The following RCOR1 variants were observed in gnomAD, a reference collection of about 807,000 sequenced individuals.
RCOR1 encodes the protein REST corepressor 1, also known as REST corepressor.
Under a neutral mutation model 64.0 loss-of-function variants are expected in RCOR1, and 12 were observed. That is an observed-to-expected ratio of 0.19 (90% CI 0.12 to 0.30). The LOEUF is 0.30. Ranked by LOEUF, RCOR1 falls within the 10% of genes least tolerant of loss-of-function variation. The pLI is 1.00. For missense variants in RCOR1, 502 were observed against 621.2 expected, an observed-to-expected ratio of 0.81 and a Z score of 2.04; for synonymous variants, 279 against 227.2, an observed-to-expected ratio of 1.23 and a Z score of -2.05.
At chr14:102,606,627 GTT>G (rs1307882389) in intron 2 of RCOR1, among the ~76,000 whole-genome samples, 14 of 139,322 alleles carry the variant, frequency 1.0e-4, no homozygotes, top group African/African-American at 7.9e-5. Flanking sequence ...CAGGTTTTAA[GTT>G]TTTTTTTTTT....
intron 3 of RCOR1, among the ~76,000 whole-genome samples, chr14:102,698,143 G>A (rs1480542914): frequency 6.6e-6 from 1 of 152,208 alleles, no homozygotes; most frequent in African/African-American, 2.4e-5. Context: ...TACTGTTACT[G>A]TCTTGTTGTT....
rs1316557262 is a variant in RCOR1, at chr14:102,593,029, GCGCCGCCGCCTCCTCAGCCTCGGC to G, written c.156_179del (p.Ser53_Ser60del). On this transcript the variant is annotated inframe_deletion, in exon 1 of 12. Coordinates refer to ENST00000262241, the MANE Select transcript of RCOR1 (RefSeq NM_015156.4). ...TCGCCAGCCGCCACTGCCGCCTCGG[GCGCCGCCGCCTCCTCAGCCTCGGC>G]CGCCGCCGCCTCAGCCGCCGCCGCC... 26 of 1,262,752 alleles carry G rather than the reference GCGCCGCCGCCTCCTCAGCCTCGGC, an allele frequency of 2.1e-5. No homozygotes were observed. Among genetic ancestry groups the G allele is most frequent in the South Asian group, 1.3e-4 (5 of 38,446 alleles). The allele number at this position is 1,262,752 out of a possible 1,614,324, so 78.2% of individuals were successfully genotyped here.
intron 2 of RCOR1, among the ~76,000 whole-genome samples, chr14:102,641,868 G>A (rs1222114581): frequency 6.6e-6 from 1 of 152,118 alleles, no homozygotes; most frequent in Non-Finnish European, 1.5e-5. Flanking sequence ...CAGTGGAAAG[G>A]CTGGTTTTAC....
intron 2 of RCOR1, chr14:102,643,463 T>A: frequency 3.5e-6 from 1 of 286,832 alleles, no homozygotes; most frequent in Non-Finnish European, 5.2e-6. Context: ...GATTAATGCA[T>A]GGTAATTACC....
intron 2 of RCOR1, among the ~76,000 whole-genome samples, chr14:102,646,778 A>G (rs903895443): frequency 6.6e-6 from 1 of 152,242 alleles, no homozygotes; most frequent in Non-Finnish European, 1.5e-5. Context: ...GAAGATGCAT[A>G]CTAAAGGAAC....
At position 102,592,922 on chromosome 14, in the gene RCOR1, AG is replaced by A; in HGVS notation, c.39del (p.Lys14SerfsTer92). On this transcript the variant is annotated frameshift_variant, in exon 1 of 12. Transcript: ENST00000262241. LOFTEE classifies it high-confidence loss of function. The part of the protein sequence containing the change: ...AMVEKGPEVS[G>X]KRRGRNNAAA... ...TGGTGGAGAAGGGCCCCGAGGTCTC[AG>A]GGAAGCGGAGAGGGAGGAACAACGC... 2 of 1,239,510 alleles carry A rather than the reference AG, an allele frequency of 1.6e-6. No homozygotes were observed. The highest frequency in any genetic ancestry group is 2.0e-6 in the Non-Finnish European group (2 of 983,902). The allele number at this position is 1,239,510 out of a possible 1,614,324, so 76.8% of individuals were successfully genotyped here.
chr14:102,604,409 T>C (rs567043449), intron 2 of RCOR1, among the ~76,000 whole-genome samples: 1 of 152,306 alleles, frequency 6.6e-6, no homozygotes, highest in South Asian at 2.1e-4. Flanking sequence ...GAGGTACAAC[T>C]TGTCATCACT....
chr14:102,611,502 G>A (rs1203232702), intron 2 of RCOR1, among the ~76,000 whole-genome samples: 1 of 151,934 alleles, frequency 6.6e-6, no homozygotes, highest in Non-Finnish European at 1.5e-5. Flanking sequence ...TTGCTTATCT[G>A]TTGATTTTTG....
In RCOR1 at chr14:102,708,486, A is replaced by G. The variant is rs1474716375; in HGVS notation, c.682A>G (p.Ser228Gly). ...TTAGCTTCCAGATAAATCTATAGCA[A>G]GTCTGGTGAAATTTTACTATTCTTG... ...QQMLPDKSIA[S>G]LVKFYYSWKK... is the part of the protein sequence containing the mutation. Residue 228 changes from serine to glycine, a missense_variant, in exon 6 of 12, where the codon AGT becomes GGT. This residue lies in a region of RCOR1 where 260 missense variants were observed against 416.4 expected (regional missense o/e 0.62). Coordinates refer to ENST00000262241, the MANE Select transcript of RCOR1 (RefSeq NM_015156.4). 6.3e-7 allele frequency: 1 copy of G among 1,577,476 alleles called. No homozygotes were observed.
At chr14:102,682,668 G>A (rs1895330772) in intron 3 of RCOR1, among the ~76,000 whole-genome samples, 1 of 152,134 alleles carries the variant, frequency 6.6e-6, no homozygotes, top group South Asian at 2.1e-4. Context: ...TTCTAAGTGT[G>A]TTCCAGTTGG....
chr14:102,633,298 T>C (rs753415449), intron 2 of RCOR1, among the ~76,000 whole-genome samples: 10 of 152,146 alleles, frequency 6.6e-5, no homozygotes, highest in Non-Finnish European at 1.2e-4. Flanking sequence ...ACAGTTCATA[T>C]GTGATCTGGG....
chr14:102,671,705 A>C (rs1286831949), intron 2 of RCOR1, among the ~76,000 whole-genome samples: 3 of 152,208 alleles, frequency 2.0e-5, no homozygotes, highest in African/African-American at 7.2e-5. Flanking sequence ...AATTAACAAA[A>C]CACGCAGTTC....
chr14:102,640,311 A>G (rs976521285), intron 2 of RCOR1, among the ~76,000 whole-genome samples: 1 of 152,202 alleles, frequency 6.6e-6, no homozygotes, highest in Admixed American at 6.5e-5. Context: ...ATGGAAGATA[A>G]TGAGTTAAAA....
intron 2 of RCOR1, chr14:102,657,184 A>C: frequency 1.0e-6 from 1 of 985,016 alleles, no homozygotes; most frequent in Non-Finnish European, 1.2e-6. Context: ...ATTTTTGAGG[A>C]TATCTTTGCA....
At chr14:102,714,382 C>A (rs1337951173) in intron 7 of RCOR1, 41 bp from the exon 8 acceptor site, 2 of 1,388,176 alleles carry the variant, frequency 1.4e-6, no homozygotes, top group Non-Finnish European at 9.8e-7. Flanking sequence ...GATCATTTGA[C>A]TTTTTTTAAG....
chr14:102,703,502 AG>A (rs1895788580), intron 4 of RCOR1, among the ~76,000 whole-genome samples: 1 of 152,348 alleles, frequency 6.6e-6, no homozygotes, highest in Admixed American at 6.5e-5. Context: ...TAAGCTTATT[AG>A]GGTATTTCTT....
intron 2 of RCOR1, among the ~76,000 whole-genome samples, chr14:102,642,418 GT>G (rs373789119): frequency 3.5e-4 from 53 of 152,260 alleles, no homozygotes; most frequent in African/African-American, 1.3e-3. Flanking sequence ...TGTTGAATGC[GT>G]TTCTTCATTT....
intron 2 of RCOR1, among the ~76,000 whole-genome samples, chr14:102,618,182 C>T (rs1305768916): frequency 2.0e-5 from 3 of 151,714 alleles, no homozygotes; most frequent in African/African-American, 7.3e-5. Flanking sequence ...CCATGTTTTC[C>T]CAGGCTGTTC....
chr14:102,650,600 G>A (rs1018545217), intron 2 of RCOR1, among the ~76,000 whole-genome samples: 2 of 152,212 alleles, frequency 1.3e-5, no homozygotes, highest in African/African-American at 2.4e-5. Context: ...GAAGTCAGAC[G>A]TGAAAGTTGT....
Sources: gnomAD v4.1 joint callset for allele counts (sites outside exome capture counted in the v4.1 genomes callset) on GRCh38, gnomAD v4.1.1 for gene constraint, gnomAD v4.1.1 regional missense constraint, MANE v1.5 for transcripts, NCBI Gene and HGNC (gene_info 2026-07-23, HGNC 2026-07-21) for gene names.